Variants in ASAP3 observed in about 807,000 individuals in gnomAD.
ASAP3 encodes ArfGAP with SH3 domain, ankyrin repeat and PH domain 3, also known as arf-GAP with SH3 domain, ANK repeat and PH domain-containing protein 3.
ASAP3 carries 85 observed loss-of-function variants against 118.2 expected under a neutral mutation model. The observed-to-expected ratio is 0.72, with a 90% CI of 0.60 to 0.86. The LOEUF is 0.86. Among genes scored for constraint, ASAP3 ranks in the 40% least tolerant of loss-of-function variants. The pLI is 0.00. For synonymous variants in ASAP3, 432 were observed against 477.4 expected, an observed-to-expected ratio of 0.90 and a Z score of 1.24; for missense variants, 1,026 against 1,175.0, an observed-to-expected ratio of 0.87 and a Z score of 1.85.
At chr1:23,465,637 G>A (rs1641743341) in intron 1 of ASAP3, among the ~76,000 whole-genome samples, 1 of 152,116 alleles carries the variant, frequency 6.6e-6, no homozygotes, top group South Asian at 2.1e-4. Flanking sequence ...GAGTAGCTGG[G>A]TTTACAGGCG....
rs1445145904 is a variant in ASAP3, at chr1:23,440,421, A to T, written c.944+681T>A. Among the ~76,000 whole-genome samples, 5 of 135,900 alleles carry T rather than the reference A, an allele frequency of 3.7e-5. No homozygotes were observed. The Admixed American group carries it at 4.0e-4, about 11-fold the overall frequency. The allele number at this position is 135,900 out of a possible 152,430, so 89.2% of individuals were successfully genotyped here. The stretch of plus-strand genomic sequence containing the variant: ...GAGGCTGAGGCAGGAGAATCGCTTG[A>T]ACCCAGGAGGCGGAGGTTGCAGTGA... On this transcript the variant is annotated intron_variant, in intron 10 of 24. Transcript: ENST00000336689.
chr1:23,432,162 A>G (rs1057447656), intron 22 of ASAP3, among the ~76,000 whole-genome samples: 4 of 151,964 alleles, frequency 2.6e-5, no homozygotes, highest in Non-Finnish European at 4.4e-5. Context: ...GCATGCCACC[A>G]CACCTGGCTA....
intron 1 of ASAP3, among the ~76,000 whole-genome samples, chr1:23,467,951 CAA>C (rs573411297): frequency 3.1e-4 from 16 of 52,458 alleles, no homozygotes; most frequent in South Asian, 6.5e-4. Flanking sequence ...GACTCCGTCT[CAA>C]AAAAAAAAAA....
Position 23,435,883 on chromosome 1 carries a change from A to G in ASAP3, c.1717T>C (p.Phe573Leu), listed in dbSNP as rs746752156. Reference protein sequence around the residue: ...VLEAFANGQDFGQPLPGPDAQ... With the variant: ...VLEAFANGQDLGQPLPGPDAQ... ...TCAGGCCCTGGCAGCGGCTGTCCAA[A>G]GTCCTGCCCATTGGCAAAGGCCTCC... The change falls in exon 17 of 25, where the codon TTT (phenylalanine) becomes CTT (leucine). Residue 573 changes from phenylalanine to leucine, a missense_variant. Coordinates refer to ENST00000336689, the MANE Select transcript of ASAP3 (RefSeq NM_017707.4). 1 of 1,614,108 alleles carries G rather than the reference A, an allele frequency of 6.2e-7. No homozygotes were observed. Among genetic ancestry groups the G allele is most frequent in the Non-Finnish European group, 8.5e-7 (1 of 1,180,052 alleles).
intron 1 of ASAP3, among the ~76,000 whole-genome samples, chr1:23,477,376 CAA>C (rs11367585): frequency 7.0e-4 from 45 of 64,692 alleles, no homozygotes; most frequent in African/African-American, 1.9e-3. Context: ...GACTCCATCT[CAA>C]AAAAAAAAAA....
In ASAP3 at chr1:23,437,015, C is replaced by T. The variant is rs1278723620; in HGVS notation, c.1372G>A (p.Val458Met). 3 of 1,611,788 alleles carry T rather than the reference C, an allele frequency of 1.9e-6. No homozygotes were observed. Among genetic ancestry groups the T allele is most frequent in the Non-Finnish European group, 1.7e-6 (2 of 1,179,524 alleles). Residue 458 changes from valine (V) to methionine (M), a missense_variant, in exon 15 of 25, where the codon GTG becomes ATG. Val to Met is a conservative substitution (Grantham distance 21, BLOSUM62 1). Transcript: ENST00000336689. The surrounding 1 kb of genome is among the most constrained non-coding windows in gnomAD (Gnocchi z 6.1). ...DPTWLSTNLG[V>M]LTCIQCSGVH... ...CCCGAGCACTGGATGCAGGTGAGCACGCCCAGGTTGGTGCTGAGCCACGTG... is the reference window on the plus strand; with the variant it reads ...CCCGAGCACTGGATGCAGGTGAGCATGCCCAGGTTGGTGCTGAGCCACGTG...
chr1:23,431,202 A>G (rs555860488), intron 23 of ASAP3, 77 bp from the exon 24 acceptor site: 1 of 1,443,866 alleles, frequency 6.9e-7, no homozygotes, highest in East Asian at 2.5e-5. Flanking sequence ...GCTCAGGAAC[A>G]GAGCCAGTCT....
intron 1 of ASAP3, among the ~76,000 whole-genome samples, chr1:23,478,334 G>C (rs548655224): frequency 1.3e-5 from 2 of 152,082 alleles, no homozygotes; most frequent in South Asian, 2.1e-4. Context: ...GCATGGTGGC[G>C]GGCGCCTGTA....
At chr1:23,479,799 T>C (rs1352266102) in intron 1 of ASAP3, 4 of 152,230 alleles carry the variant, frequency 2.6e-5, no homozygotes, top group Admixed American at 6.5e-5. Flanking sequence ...TACATTTCCA[T>C]AGCAATTACC....
At chr1:23,449,373 T>G (rs934288681) in intron 5 of ASAP3, among the ~76,000 whole-genome samples, 1 of 152,190 alleles carries the variant, frequency 6.6e-6, no homozygotes, top group Non-Finnish European at 1.5e-5. Context: ...CTAGATAAAT[T>G]TGGCCTCTGT....
chr1:23,429,986 T>G, intron 24 of ASAP3, 56 bp from the exon 25 acceptor site: 1 of 1,390,378 alleles, frequency 7.2e-7, no homozygotes. Context: ...ATACCAGGTG[T>G]TCATCTCACT....
At position 23,457,178 on chromosome 1, in the gene ASAP3, G is replaced by A. The variant is rs886447123; in HGVS notation, c.130-984C>T. ...CCCTTACCGAGAGACACATGGTGGGGAAGCCACAGAGCTGGACTTCCCGGG... is the reference window on the plus strand; with the variant it reads ...CCCTTACCGAGAGACACATGGTGGGAAAGCCACAGAGCTGGACTTCCCGGG... On this transcript the variant is annotated intron_variant, in intron 1 of 24. Transcript: ENST00000336689. Among the ~76,000 whole-genome samples, 5 of 152,090 alleles carry A rather than the reference G, an allele frequency of 3.3e-5. 1 individual carries two copies. The highest frequency in any genetic ancestry group is 9.7e-5 in the African/African-American group (4 of 41,412).
At chr1:23,481,701 T>G (rs1468446641) in intron 1 of ASAP3, among the ~76,000 whole-genome samples, 1 of 152,174 alleles carries the variant, frequency 6.6e-6, no homozygotes, top group Non-Finnish European at 1.5e-5. Context: ...TCCAGACCCA[T>G]TCTAAGGGTC....
Position 23,437,377 on chromosome 1 carries a change from C to A in ASAP3, c.1151+47G>T, listed in dbSNP as rs375599950. The stretch of plus-strand genomic sequence containing the variant: ...GTCAAGTGGGAAGAGATAGGGCCGC[C>A]GGCCCCCACCCACAAGGCTGGCCGG... On this transcript the variant is annotated intron_variant, in intron 13 of 24. Coordinates refer to ENST00000336689, the MANE Select transcript of ASAP3 (RefSeq NM_017707.4). The surrounding 1 kb of genome is among the most constrained non-coding windows in gnomAD (Gnocchi z 6.1). 1 of 1,610,988 alleles carries A rather than the reference C, an allele frequency of 6.2e-7. No individual in the cohort carries two copies. Among genetic ancestry groups the A allele is most frequent in the South Asian group, 1.1e-5 (1 of 90,724 alleles).
Position 23,439,232 on chromosome 1 carries a change from T to G in ASAP3, c.945-2A>C. 6.2e-7 allele frequency: 1 copy of G among 1,613,958 alleles called. No homozygotes were observed. On this transcript the variant is annotated splice_acceptor_variant, in intron 10 of 24. Coordinates refer to ENST00000336689, the MANE Select transcript of ASAP3 (RefSeq NM_017707.4). LOFTEE classifies it high-confidence loss of function. The stretch of plus-strand genomic sequence containing the variant: ...CTTTTCTGCCAGACTCTTCGAATTC[T>G]AAAGCCCAGAGGGATAGAAGGACAG...
At chr1:23,447,078 G>A (rs1330797825) in intron 5 of ASAP3, among the ~76,000 whole-genome samples, 1 of 152,182 alleles carries the variant, frequency 6.6e-6, no homozygotes, top group Admixed American at 6.5e-5. Flanking sequence ...GATCTGACAG[G>A]AGGCGGAACT....
chr1:23,442,475 C>T (rs371801629), intron 6 of ASAP3, 26 bp downstream of exon 6: 51 of 1,608,154 alleles, frequency 3.2e-5, no homozygotes, highest in Non-Finnish European at 3.7e-5. Flanking sequence ...CCACGCCCCC[C>T]CTCCCTCATC....
chr1:23,448,243 C>T (rs1641107667), intron 5 of ASAP3, among the ~76,000 whole-genome samples: 1 of 152,124 alleles, frequency 6.6e-6, no homozygotes, highest in Non-Finnish European at 1.5e-5. Context: ...CTGGTGCAGG[C>T]AGGAAAGTAT....
At position 23,438,973 on chromosome 1, in the gene ASAP3, G is replaced by C. The variant is rs966880627; in HGVS notation, c.1015-139C>G. On this transcript the variant is annotated intron_variant, in intron 11 of 24. Coordinates refer to ENST00000336689, the MANE Select transcript of ASAP3 (RefSeq NM_017707.4). The surrounding 1 kb of genome is among the most constrained non-coding windows in gnomAD (Gnocchi z 4.9). ...TCTCCTCACCCAGCAGCACCTCAAGGATGTGAAGTGTAGACTAAGACTAGA... is the reference window on the plus strand; with the variant it reads ...TCTCCTCACCCAGCAGCACCTCAAGCATGTGAAGTGTAGACTAAGACTAGA... The C allele has an allele frequency of 2.7e-6, 3 of 1,120,144 alleles. No individual in the cohort carries two copies. The Admixed American group carries it at 6.1e-5, about 23-fold the overall frequency. 69.4% of individuals were successfully genotyped at this position (1,120,144 alleles called of 1,614,324 possible).
Sources: allele counts gnomAD v4.1 joint callset (sites outside exome capture counted in the v4.1 genomes callset), GRCh38; gene constraint gnomAD v4.1.1; non-coding constraint Gnocchi (gnomAD v3.1); transcripts MANE v1.5; gene names NCBI Gene and HGNC (gene_info 2026-07-23, HGNC 2026-07-21).